Variants in AKR1B10 observed in about 807,000 individuals in gnomAD.
AKR1B10 encodes the protein aldo-keto reductase family 1 member B10.
Under a neutral mutation model 38.9 loss-of-function variants are expected in AKR1B10, and 39 were observed. That is an observed-to-expected ratio of 1.00 (90% confidence interval 0.78 to 1.31). The LOEUF (loss-of-function observed/expected upper bound fraction) is 1.31. Among genes scored for constraint, AKR1B10 ranks in the 50% most tolerant of loss-of-function variants. The probability of loss-of-function intolerance (pLI) is 0.00; values close to 1 mark genes in which losing one functional copy is unlikely to be tolerated. For missense variants in AKR1B10, 361 were observed against 382.6 expected (o/e 0.94, Z 0.47); for synonymous variants, 148 against 141.2 (o/e 1.05, Z -0.34).
chr7:134,528,109 G>A (rs1807737517), intron 1 of AKR1B10, 132 bp downstream of exon 1: 1 of 1,194,784 alleles, frequency 8.4e-7, no homozygotes, highest in African/African-American at 1.5e-5. Flanking sequence ...CTGGAGCCAG[G>A]ACTTAGGTTG....
chr7:134,531,765 C>T, intron 2 of AKR1B10, 143 bp from the exon 3 acceptor site: 2 of 898,450 alleles, frequency 2.2e-6, no homozygotes, highest in South Asian at 3.1e-5. Flanking sequence ...ATGTTCCACA[C>T]TGTGTCGTGG....
chr7:134,539,487 A>T (rs1304528428), intron 9 of AKR1B10, among the ~76,000 whole-genome samples: 1 of 152,186 alleles, frequency 6.6e-6, no homozygotes, highest in Admixed American at 6.5e-5. Flanking sequence ...CAAAGTGGAT[A>T]GGAAGCGGTG....
chr7:134,538,797 C>A, intron 8 of AKR1B10, 138 bp from the exon 9 acceptor site: 1 of 934,784 alleles, frequency 1.1e-6, no homozygotes, highest in Non-Finnish European at 1.6e-6. Context: ...ATTTGTATCC[C>A]GTGGACAGAA....
intron 8 of AKR1B10, 108 bp from the exon 9 acceptor site, chr7:134,538,827 C>T: frequency 7.8e-7 from 1 of 1,282,544 alleles, no homozygotes; most frequent in South Asian, 1.3e-5. Context: ...CTCCTGTGGC[C>T]AGTTTGTGCT....
intron 4 of AKR1B10, among the ~76,000 whole-genome samples, chr7:134,535,338 G>T (rs1396929351): frequency 6.6e-6 from 1 of 151,846 alleles, no homozygotes; most frequent in Admixed American, 6.6e-5. Flanking sequence ...CTTACCCTAG[G>T]TTACTCAAAC....
intron 4 of AKR1B10, 80 bp from the exon 5 acceptor site, chr7:134,536,570 T>G: frequency 6.5e-7 from 1 of 1,544,378 alleles, no homozygotes; most frequent in South Asian, 1.3e-5. Flanking sequence ...TAGCAATTTC[T>G]GCCCCAGGGA....
At chr7:134,533,342 C>T (rs1225960453) in intron 4 of AKR1B10, among the ~76,000 whole-genome samples, 6 of 152,138 alleles carry the variant, frequency 3.9e-5, no homozygotes, top group African/African-American at 1.4e-4. Flanking sequence ...GTTCTCAAAC[C>T]AGGGCGAGGC....
intron 6 of AKR1B10, 106 bp from the exon 7 acceptor site, chr7:134,537,474 A>T (rs1257359967): frequency 9.4e-6 from 12 of 1,276,606 alleles, no homozygotes; most frequent in Non-Finnish European, 1.1e-6. Flanking sequence ...CCTGTCTCCC[A>T]GATGGAGAGG....
chr7:134,539,123 A>G (rs1253314793), intron 9 of AKR1B10, 106 bp downstream of exon 9: 1 of 1,411,858 alleles, frequency 7.1e-7, no homozygotes, highest in South Asian at 1.2e-5. Flanking sequence ...GTGTCTTCAA[A>G]TACTATTTTG....
In AKR1B10 at chr7:134,533,058, G is replaced by A. The variant is rs1807904931; in HGVS notation, c.406G>A (p.Ala136Thr). ...DDKGNAIGGK[A>T]TFLDAWEAME... ...TAAAGGTAATGCCATCGGTGGAAAA[G>A]CAACGTTCTTGGATGCCTGGGAGGT... Residue 136 changes from alanine (A) to threonine (T), a missense_variant, in exon 4 of 10, where the codon GCA becomes ACA. Ala to Thr is a moderately conservative substitution (Grantham distance 58). Around this residue, in one of 3 missense-constraint regions of AKR1B10, gnomAD observed 220 missense variants for 216.1 expected, o/e 1.02. Transcript: ENST00000359579. 6.3e-7 allele frequency: 1 copy of A among 1,598,318 alleles called. No individual in the cohort carries two copies. Among genetic ancestry groups the A allele is most frequent in the Non-Finnish European group, 8.5e-7 (1 of 1,174,400 alleles).
intron 4 of AKR1B10, chr7:134,535,649 T>C: frequency 5.4e-6 from 5 of 918,054 alleles, no homozygotes; most frequent in Non-Finnish European, 6.4e-6. Flanking sequence ...AGGACTCCCC[T>C]GACAACTGCG....
intron 4 of AKR1B10, chr7:134,535,781 T>C (rs1807985897): frequency 2.6e-6 from 2 of 759,280 alleles, no homozygotes; most frequent in Non-Finnish European, 3.2e-6. Flanking sequence ...AGCACTTTAA[T>C]TGGACTATAA....
intron 6 of AKR1B10, among the ~76,000 whole-genome samples, chr7:134,537,366 G>A (rs1808040777): frequency 6.6e-6 from 1 of 152,092 alleles, no homozygotes; most frequent in South Asian, 2.1e-4. Context: ...GACCCTCTGG[G>A]AATATTTCCA....
At chr7:134,536,854 C>T in intron 5 of AKR1B10, 82 bp downstream of exon 5, 1 of 1,592,542 alleles carries the variant, frequency 6.3e-7, no homozygotes, top group Non-Finnish European at 8.6e-7. Flanking sequence ...ATGCTATGCC[C>T]TGAGTCTCAT....
intron 4 of AKR1B10, 27 bp downstream of exon 4, chr7:134,533,108 G>T (rs200706934): frequency 1.9e-6 from 3 of 1,551,066 alleles, no homozygotes; most frequent in African/African-American, 2.8e-5. Flanking sequence ...CTCTAAGTGT[G>T]CTGGGAGAGA....
At chr7:134,536,548 C>T (rs1353460808) in intron 4 of AKR1B10, 102 bp from the exon 5 acceptor site, 35 of 1,512,348 alleles carry the variant, frequency 2.3e-5, no homozygotes, top group African/African-American at 9.7e-5. Context: ...AACCCTGTTA[C>T]GGTGGATCCT....
At chr7:134,538,464 A>C (rs1347325273) in intron 8 of AKR1B10, among the ~76,000 whole-genome samples, 187 bp downstream of exon 8, 3 of 152,096 alleles carry the variant, frequency 2.0e-5, no homozygotes, top group African/African-American at 7.2e-5. Context: ...GGCTAAGGAC[A>C]TCCTGGGGGC....
intron 4 of AKR1B10, 47 bp from the exon 5 acceptor site, chr7:134,536,603 C>T: frequency 6.2e-7 from 1 of 1,602,370 alleles, no homozygotes; most frequent in Non-Finnish European, 8.5e-7. Flanking sequence ...GCCAGGGTCC[C>T]TGTAGTCCCT....
At chr7:134,528,496 G>A (rs1328372870) in intron 1 of AKR1B10, among the ~76,000 whole-genome samples, 1 of 152,210 alleles carries the variant, frequency 6.6e-6, no homozygotes, top group African/African-American at 2.4e-5. Context: ...AATCCAGACG[G>A]GAGGGTTGCT....
Sources: gnomAD v4.1 joint callset for allele counts (sites outside exome capture counted in the v4.1 genomes callset) on GRCh38, gnomAD v4.1.1 for gene constraint, gnomAD v4.1.1 regional missense constraint, MANE v1.5 for transcripts, NCBI Gene and HGNC (gene_info 2026-07-23, HGNC 2026-07-21) for gene names.